The following HRH4 variants were observed in gnomAD, a reference collection of about 807,000 sequenced individuals.
HRH4 encodes histamine H4 receptor.
Under a neutral mutation model 10.4 loss-of-function variants are expected in HRH4, and 12 were observed. The observed-to-expected ratio is 1.15, with a 90% CI of 0.74 to 1.87. The LOEUF (loss-of-function observed/expected upper bound fraction) is 1.87, where lower values mean the gene tolerates loss of function less well. Ranked by LOEUF, HRH4 falls within the 40% of genes most tolerant of loss-of-function variation. The pLI is 0.00. For missense variants in HRH4, 415 were observed against 453.3 expected (o/e 0.92, Z 0.77); for synonymous variants, 154 against 166.6 (o/e 0.92, Z 0.58).
Position 24,464,653 on chromosome 18 carries a change from A to T in HRH4, c.193+3732A>T, listed in dbSNP as rs1909727894. 2.6e-5 allele frequency among the ~76,000 whole-genome samples: 4 copies of T among 152,226 alleles called. No individual in the cohort carries two copies. The South Asian group carries it at 8.3e-4, about 32-fold the overall frequency. ...TTCTTAGCTGGCTTAGAAAGAAGGG[A>T]CGATGCCAGATGGGTGGCAATTTTA... On this transcript the variant is annotated intron_variant, in intron 1 of 2. Transcript: ENST00000256906.
At position 24,468,898 on chromosome 18, in the gene HRH4, G is replaced by A; in HGVS notation, c.304G>A (p.Val102Ile). The A allele has an allele frequency of 6.2e-7, 1 of 1,613,518 alleles. No homozygotes were observed. The highest frequency in any genetic ancestry group is 8.5e-7 in the Non-Finnish European group (1 of 1,179,710). The change falls in exon 2 of 3, where the codon GTA becomes ATA. Residue 102 changes from valine to isoleucine, a missense_variant. Transcript: ENST00000256906. ...TGACTATCTGTTATGTACAGCATCT[G>A]TATATAACATTGTCCTCATCAGCTA... ...TTDYLLCTAS[V>I]YNIVLISYDR...
At chr18:24,475,460 C>A (rs1477040979) in intron 2 of HRH4, among the ~76,000 whole-genome samples, 4 of 152,068 alleles carry the variant, frequency 2.6e-5, no homozygotes, top group Non-Finnish European at 5.9e-5. Flanking sequence ...ATTATCTCTA[C>A]AAATAACAAA....
chr18:24,474,478 A>G (rs1910076201), intron 2 of HRH4, among the ~76,000 whole-genome samples: 1 of 152,220 alleles, frequency 6.6e-6, no homozygotes, highest in Non-Finnish European at 1.5e-5. Flanking sequence ...TGTAGGATCC[A>G]TCAAAGAAAG....
chr18:24,470,926 G>C (rs958287026), intron 2 of HRH4, among the ~76,000 whole-genome samples: 1 of 140,094 alleles, frequency 7.1e-6, no homozygotes, highest in Non-Finnish European at 1.5e-5. Context: ...CCAGAGCAAG[G>C]GATTTTTTTT....
intron 2 of HRH4, among the ~76,000 whole-genome samples, chr18:24,469,963 G>A (rs80055348): frequency 0.015 from 2,239 of 152,108 alleles, 51 homozygotes; most frequent in African/African-American, 0.05. Flanking sequence ...CTTTTTTTGT[G>A]TGAGTCTGTA....
chr18:24,476,810 G>A lies in HRH4; in HGVS notation c.421G>A (p.Val141Met), dbSNP rs953437853. 6.2e-7 allele frequency: 1 copy of A among 1,614,088 alleles called. No homozygotes were observed. The highest frequency in any genetic ancestry group is 1.3e-5 in the African/African-American group (1 of 74,936). Residue 141 changes from valine (V) to methionine (M), a missense_variant, in exon 3 of 3, where the codon GTG becomes ATG. Transcript: ENST00000256906. The part of the protein sequence containing the change: ...KIVTLMVAVW[V>M]LAFLVNGPMI... Reference sequence around the variant, plus strand: ...TGTTACTCTGATGGTGGCCGTTTGGGTGCTGGCCTTCTTAGTGAATGGGCC... The same window carrying A: ...TGTTACTCTGATGGTGGCCGTTTGGATGCTGGCCTTCTTAGTGAATGGGCC...
chr18:24,476,645 C>T, intron 2 of HRH4, 102 bp from the exon 3 acceptor site: 1 of 881,366 alleles, frequency 1.1e-6, no homozygotes, highest in Non-Finnish European at 1.8e-6. Context: ...TAGTTAATGT[C>T]TCCATCCTTT....
chr18:24,461,111 T>C (rs1223936340), intron 1 of HRH4, among the ~76,000 whole-genome samples, 190 bp downstream of exon 1: 1 of 152,112 alleles, frequency 6.6e-6, no homozygotes, highest in African/African-American at 2.4e-5. Context: ...TGTAAATCAG[T>C]GTGGTAGGGG....
At chr18:24,470,822 A>T (rs1443281389) in intron 2 of HRH4, among the ~76,000 whole-genome samples, 3 of 150,164 alleles carry the variant, frequency 2.0e-5, no homozygotes, top group Admixed American at 6.7e-5. Context: ...TTTCACGGAC[A>T]GTAGTTTTCT....
Position 24,479,813 on chromosome 18 carries a change from C to T in HRH4, c.*2251C>T, listed in dbSNP as rs1012735895. The stretch of plus-strand genomic sequence containing the variant: ...ACCTTTAACTTCAAACATTAAAATA[C>T]AAGTCTTTTAAGTACATGAGTGCTT... On this transcript the variant is annotated 3_prime_UTR_variant, in exon 3 of 3. Transcript: ENST00000256906. 2 of 152,104 alleles carry T rather than the reference C, an allele frequency of 1.3e-5. No individual in the cohort carries two copies. The highest frequency in any genetic ancestry group is 2.9e-5 in the Non-Finnish European group (2 of 68,012). The allele number at this position is 152,104 out of a possible 1,614,324, so 9.4% of individuals were successfully genotyped here.
At chr18:24,463,188 G>T (rs1909685862) in intron 1 of HRH4, among the ~76,000 whole-genome samples, 1 of 152,202 alleles carries the variant, frequency 6.6e-6, no homozygotes, top group Non-Finnish European at 1.5e-5. Context: ...TTTGGAAAAT[G>T]GCCCTGCAGA....
intron 2 of HRH4, among the ~76,000 whole-genome samples, chr18:24,471,283 T>G (rs551001616): frequency 3.0e-4 from 46 of 152,152 alleles, no homozygotes; most frequent in African/African-American, 1.1e-3. Flanking sequence ...TGTGACCTTT[T>G]TTTTTCATTA....
At chr18:24,464,279 C>T (rs183872241) in intron 1 of HRH4, among the ~76,000 whole-genome samples, 71 of 152,282 alleles carry the variant, frequency 4.7e-4, no homozygotes, top group Middle Eastern at 3.4e-3. Flanking sequence ...GGCTTGCAGA[C>T]GGCTGCCGTC....
At chr18:24,463,072 T>C (rs2144364530) in intron 1 of HRH4, among the ~76,000 whole-genome samples, 1 of 152,290 alleles carries the variant, frequency 6.6e-6, no homozygotes, top group Middle Eastern at 3.4e-3. Flanking sequence ...TGAGAGAGCC[T>C]GGGGCCTGAA....
chr18:24,464,480 A>T (rs1404752337), intron 1 of HRH4, among the ~76,000 whole-genome samples: 1 of 152,096 alleles, frequency 6.6e-6, no homozygotes, highest in African/African-American at 2.4e-5. Context: ...CAACATGTGA[A>T]TTTGGGGAGG....
intron 1 of HRH4, among the ~76,000 whole-genome samples, chr18:24,464,587 C>T (rs570224502): frequency 8.5e-5 from 13 of 152,126 alleles, no homozygotes; most frequent in Non-Finnish European, 1.8e-4. Context: ...ATTTTAGCTC[C>T]TGCCATCTTT....
At chr18:24,471,166 G>A (rs140022983) in intron 2 of HRH4, among the ~76,000 whole-genome samples, 78 of 152,050 alleles carry the variant, frequency 5.1e-4, no homozygotes, top group Non-Finnish European at 2.1e-4. Flanking sequence ...TATTGTATGC[G>A]GAGAGTGCAG....
chr18:24,464,999 T>C (rs1909736386), intron 1 of HRH4, among the ~76,000 whole-genome samples: 2 of 151,958 alleles, frequency 1.3e-5, no homozygotes, highest in Admixed American at 6.6e-5. Context: ...GAAAGACACA[T>C]TTGAAGCCTG....
chr18:24,478,842 A>C lies in HRH4; in HGVS notation c.*1280A>C, dbSNP rs1910222534. On this transcript the variant is annotated 3_prime_UTR_variant, in exon 3 of 3. Transcript: ENST00000256906. Reference sequence around the variant, plus strand: ...TACTCGCCACCACACCTGGATAATTAAAAAATTATTTCTGTAGAGATGAAG... The same window carrying C: ...TACTCGCCACCACACCTGGATAATTCAAAAATTATTTCTGTAGAGATGAAG... 6.6e-6 allele frequency: 1 copy of C among 152,012 alleles called. No individual in the cohort carries two copies. Among genetic ancestry groups the C allele is most frequent in the Admixed American group, 6.6e-5 (1 of 15,246 alleles). 9.4% of individuals were successfully genotyped at this position (152,012 alleles called of 1,614,324 possible).
Sources: gnomAD v4.1 joint callset for allele counts (sites outside exome capture counted in the v4.1 genomes callset) on GRCh38, gnomAD v4.1.1 for gene constraint, MANE v1.5 for transcripts, NCBI Gene and HGNC (gene_info 2026-07-23, HGNC 2026-07-21) for gene names.